The following ARB2A variants were observed in gnomAD, a reference collection of about 807,000 sequenced individuals.
The protein encoded by ARB2A is cotranscriptional regulator ARB2A.
the ARB2A span, among the ~76,000 whole-genome samples, chr5:93,707,726 C>T: frequency 1.3e-5 from 2 of 151,860 alleles, no homozygotes; most frequent in Non-Finnish European, 2.9e-5. Context: ...AGATGCCCGC[C>T]CCCACGCCTG....
chr5:93,830,309 GTGTATATATATATATATATATATATATA>G, the ARB2A span, among the ~76,000 whole-genome samples: 2 of 49,658 alleles, frequency 4.0e-5, no homozygotes, highest in Middle Eastern at 0.022. Context: ...ATGTGTGTGT[GTGTATATATATATATATATATATATATA>G]TATATATATA....
the ARB2A span, among the ~76,000 whole-genome samples, chr5:93,628,129 C>G: frequency 7.1e-6 from 1 of 140,918 alleles, no homozygotes; most frequent in Non-Finnish European, 1.5e-5. Context: ...TGGCTCACTG[C>G]AACCTCCGCC....
At chr5:93,747,459 A>T in the ARB2A span, among the ~76,000 whole-genome samples, 1 of 152,116 alleles carries the variant, frequency 6.6e-6, no homozygotes, top group Non-Finnish European at 1.5e-5. Context: ...GACCATGGAA[A>T]ATTCAAGAGG....
chr5:93,921,499 A>G, the ARB2A span, among the ~76,000 whole-genome samples: 1 of 152,152 alleles, frequency 6.6e-6, no homozygotes, highest in African/African-American at 2.4e-5. Context: ...GGCAACGGAC[A>G]TGTTCTCAGA....
chr5:93,755,068 T>G, the ARB2A span, among the ~76,000 whole-genome samples: 2 of 152,186 alleles, frequency 1.3e-5, no homozygotes, highest in African/African-American at 4.8e-5. Context: ...TTTTAAATTA[T>G]AGCCTTAAAT....
At chr5:94,057,096 C>T in the ARB2A span, among the ~76,000 whole-genome samples, 1 of 152,202 alleles carries the variant, frequency 6.6e-6, no homozygotes, top group African/African-American at 2.4e-5. Context: ...GCTCTTCTGA[C>T]TTGAACTTTA....
chr5:94,103,479 T>C, the ARB2A span, among the ~76,000 whole-genome samples: 1 of 152,174 alleles, frequency 6.6e-6, no homozygotes, highest in East Asian at 1.9e-4. Flanking sequence ...CTACCCTAAA[T>C]ATACATGCAT....
At chr5:93,822,711 A>G in the ARB2A span, among the ~76,000 whole-genome samples, 2 of 152,014 alleles carry the variant, frequency 1.3e-5, no homozygotes, top group African/African-American at 4.8e-5. Flanking sequence ...TCATATTTTA[A>G]AAAGTACATC....
the ARB2A span, among the ~76,000 whole-genome samples, chr5:93,988,450 G>A: frequency 1.2e-4 from 18 of 152,098 alleles, no homozygotes; most frequent in Admixed American, 2.0e-4. Flanking sequence ...GGCAAATGAT[G>A]TTGCTTTGCT....
At chr5:94,040,281 A>G in the ARB2A span, among the ~76,000 whole-genome samples, 28 of 152,222 alleles carry the variant, frequency 1.8e-4, no homozygotes, top group Admixed American at 8.5e-4. Context: ...TTTCCTCCCT[A>G]AAAGGGGAAA....
chr5:93,884,751 T>TA, the ARB2A span, among the ~76,000 whole-genome samples: 9 of 151,542 alleles, frequency 5.9e-5, no homozygotes, highest in Non-Finnish European at 1.2e-4. Flanking sequence ...TACTGTTCTG[T>TA]AAAAAAACTA....
the ARB2A span, among the ~76,000 whole-genome samples, chr5:93,660,863 C>G: frequency 6.6e-6 from 1 of 152,238 alleles, no homozygotes; most frequent in Non-Finnish European, 1.5e-5. Context: ...AACATGACGA[C>G]TGCCTTGATG....
the ARB2A span, among the ~76,000 whole-genome samples, chr5:94,012,912 C>T: frequency 3.9e-5 from 6 of 152,058 alleles, no homozygotes; most frequent in African/African-American, 1.4e-4. Context: ...AAAAGGGCTA[C>T]GGGGTAGATG....
the ARB2A span, among the ~76,000 whole-genome samples, chr5:93,854,829 C>G: frequency 5.9e-5 from 9 of 152,118 alleles, no homozygotes; most frequent in Non-Finnish European, 7.4e-5. Flanking sequence ...GAGACAGTTT[C>G]TTATAATTTC....
chr5:93,928,391 C>G, the ARB2A span, among the ~76,000 whole-genome samples: 1 of 152,004 alleles, frequency 6.6e-6, no homozygotes, highest in African/African-American at 2.4e-5. Flanking sequence ...ATGTTTATTC[C>G]TACTACTTAC....
At chr5:94,004,538 TGCCACTGCACTCCA>T in the ARB2A span, among the ~76,000 whole-genome samples, 5 of 150,656 alleles carry the variant, frequency 3.3e-5, no homozygotes, top group East Asian at 9.8e-4. Flanking sequence ...GCCGAGACTG[TGCCACTGCACTCCA>T]GCCTGGGCGA....
chr5:93,846,000 GACACACACACACACACACACACAC>G, the ARB2A span, among the ~76,000 whole-genome samples: 1 of 146,668 alleles, frequency 6.8e-6, no homozygotes, highest in African/African-American at 2.5e-5. Flanking sequence ...CTCTCTCTGT[GACACACACACACACACACACACAC>G]ACACACACAC....
chr5:93,948,832 T>C, the ARB2A span, among the ~76,000 whole-genome samples: 1 of 152,196 alleles, frequency 6.6e-6, no homozygotes, highest in Non-Finnish European at 1.5e-5. Context: ...CCTAAGCCTC[T>C]TAAGTAGCTG....
At chr5:93,688,077 G>T in the ARB2A span, among the ~76,000 whole-genome samples, 2 of 151,876 alleles carry the variant, frequency 1.3e-5, no homozygotes, top group African/African-American at 4.8e-5. Flanking sequence ...GGGTTCAAGT[G>T]ATTCTCCTGC....
Sources: gnomAD v4.1 joint callset for allele counts (sites outside exome capture counted in the v4.1 genomes callset) on GRCh38, gnomAD v4.1.1 for gene constraint, MANE v1.5 for transcripts, NCBI Gene and HGNC (gene_info 2026-07-23, HGNC 2026-07-21) for gene names.